The following ZNF804B variants were observed in gnomAD, a reference collection of about 807,000 sequenced individuals.
ZNF804B encodes the protein zinc finger 804B.
In ZNF804B, 80 loss-of-function variants were observed where a neutral mutation model predicts 101.4. That is an observed-to-expected ratio of 0.79 (90% confidence interval 0.66 to 0.95). ZNF804B has a LOEUF of 0.95. Ranked by LOEUF, ZNF804B falls within the 40% of genes least tolerant of loss-of-function variation. ZNF804B has a pLI of 0.00. For missense variants in ZNF804B, 1,673 were observed against 1,561.9 expected, an observed-to-expected ratio of 1.07 and a Z score of -1.20; for synonymous variants, 622 against 558.8, an observed-to-expected ratio of 1.11 and a Z score of -1.59.
intron 1 of ZNF804B, among the ~76,000 whole-genome samples, chr7:88,855,688 G>A (rs919422052): frequency 8.5e-5 from 13 of 152,218 alleles, no homozygotes; most frequent in East Asian, 1.9e-4. Flanking sequence ...CCATGCCTAT[G>A]TCCTGAATGG....
rs2116001977 is a variant in ZNF804B, at chr7:89,334,372, T to G, written c.1390T>G (p.Phe464Val). Residue 464 changes from phenylalanine to valine, a missense_variant, in exon 4 of 4, where the codon TTT (phenylalanine) becomes GTT (valine). Phe to Val is a conservative substitution (Grantham distance 50). Transcript: ENST00000333190. ...TCAATGGCCTACGGAACTTCTGCTC[T>G]TTACAAAAACAGAACCCTGTATCTC... is the stretch of plus-strand genomic sequence containing the variant. ...TLQWPTELLL[F>V]TKTEPCISYG... The G allele has an allele frequency of 6.2e-7, 1 of 1,613,818 alleles. No individual in the cohort carries two copies. The highest frequency in any genetic ancestry group is 2.2e-5 in the East Asian group (1 of 44,856).
chr7:89,054,858 T>G (rs1268818386), intron 1 of ZNF804B, among the ~76,000 whole-genome samples: 1 of 152,076 alleles, frequency 6.6e-6, no homozygotes, highest in African/African-American at 2.4e-5. Context: ...ATTTTTTTCC[T>G]TTCTTTAAAA....
intron 2 of ZNF804B, among the ~76,000 whole-genome samples, chr7:89,302,308 A>C (rs1243325668): frequency 6.6e-6 from 1 of 151,820 alleles, no homozygotes; most frequent in African/African-American, 2.4e-5. Flanking sequence ...TCTACATGAG[A>C]GTTAAGCCTC....
At chr7:88,924,831 C>A (rs1482614816) in intron 1 of ZNF804B, among the ~76,000 whole-genome samples, 1 of 151,880 alleles carries the variant, frequency 6.6e-6, no homozygotes, top group Non-Finnish European at 1.5e-5. Flanking sequence ...ATTTTGTTTA[C>A]TTTGTGCCCC....
At chr7:88,920,793 C>T (rs898167464) in intron 1 of ZNF804B, among the ~76,000 whole-genome samples, 1 of 151,946 alleles carries the variant, frequency 6.6e-6, no homozygotes, top group East Asian at 1.9e-4. Flanking sequence ...CATATATTTA[C>T]TCAGCATTTC....
intron 1 of ZNF804B, among the ~76,000 whole-genome samples, chr7:89,136,764 T>TGTGTGC (rs1554368480): frequency 1.8e-4 from 26 of 146,502 alleles, no homozygotes; most frequent in East Asian, 9.8e-4. Context: ...TGTGTGTGTG[T>TGTGTGC]GCGCGCACGT....
rs554130596 is a variant in ZNF804B, at chr7:89,010,180, G to T, written c.109-207975G>T. On this transcript the variant is annotated intron_variant, in intron 1 of 3. Transcript: ENST00000333190. Reference sequence around the variant, plus strand: ...AATAATACTAATAATACATTGCGAAGCCTTACCTTTTTCAAGTGACATTAA... The same window carrying T: ...AATAATACTAATAATACATTGCGAATCCTTACCTTTTTCAAGTGACATTAA... Among the ~76,000 whole-genome samples, 6 of 152,154 alleles carry T rather than the reference G, an allele frequency of 3.9e-5. No individual in the cohort carries two copies. In the South Asian group the frequency reaches 1.2e-3, roughly 32 times the overall value.
At chr7:88,839,943 C>T (rs575491905) in intron 1 of ZNF804B, among the ~76,000 whole-genome samples, 1 of 152,184 alleles carries the variant, frequency 6.6e-6, no homozygotes, top group Non-Finnish European at 1.5e-5. Flanking sequence ...TAGTTTGGCT[C>T]CTTGGGTGCT....
intron 1 of ZNF804B, among the ~76,000 whole-genome samples, chr7:88,850,638 T>C (rs1161128749): frequency 6.6e-6 from 1 of 151,888 alleles, no homozygotes; most frequent in Non-Finnish European, 1.5e-5. Context: ...AATAGCAAGA[T>C]CCAAAAAGAC....
intron 1 of ZNF804B, among the ~76,000 whole-genome samples, chr7:88,987,768 A>G (rs1584056090): frequency 6.6e-6 from 1 of 152,064 alleles, no homozygotes. Flanking sequence ...GAACATTCCA[A>G]GTCTTCTCTT....
intron 1 of ZNF804B, among the ~76,000 whole-genome samples, chr7:89,067,804 A>G (rs1789474869): frequency 1.3e-5 from 2 of 148,844 alleles, no homozygotes; most frequent in Admixed American, 6.8e-5. Flanking sequence ...TTTCCAAACT[A>G]TGCTAATTTT....
intron 1 of ZNF804B, among the ~76,000 whole-genome samples, chr7:88,942,501 A>AGTGTGTGTGTGTGTGTGTGTGT (rs72429940): frequency 1.2e-5 from 1 of 86,918 alleles, no homozygotes; most frequent in African/African-American, 3.5e-5. Context: ...TATTTGAGTG[A>AGTGTGTGTGTGTGTGTGTGTGT]GTGTGTGTGT....
chr7:88,841,025 G>A (rs1466540685), intron 1 of ZNF804B, among the ~76,000 whole-genome samples: 1 of 152,170 alleles, frequency 6.6e-6, no homozygotes, highest in Non-Finnish European at 1.5e-5. Flanking sequence ...TAAAACTAGA[G>A]ATATTCTATT....
At chr7:89,183,232 G>A (rs1192907388) in intron 1 of ZNF804B, among the ~76,000 whole-genome samples, 1 of 152,066 alleles carries the variant, frequency 6.6e-6, no homozygotes, top group Admixed American at 6.6e-5. Flanking sequence ...ACCTTGACAG[G>A]AACATAAGCT....
intron 2 of ZNF804B, among the ~76,000 whole-genome samples, chr7:89,280,617 C>G (rs962801116): frequency 2.0e-5 from 3 of 152,198 alleles, no homozygotes; most frequent in Non-Finnish European, 4.4e-5. Flanking sequence ...TCAGATAATT[C>G]TACAAACACC....
chr7:89,318,751 G>A (rs939186686), intron 2 of ZNF804B, among the ~76,000 whole-genome samples: 2 of 152,166 alleles, frequency 1.3e-5, no homozygotes, highest in African/African-American at 2.4e-5. Context: ...GACAGAGCAA[G>A]ACTCCATTGC....
intron 1 of ZNF804B, among the ~76,000 whole-genome samples, chr7:88,952,075 C>T (rs986125711): frequency 1.1e-4 from 17 of 151,710 alleles, no homozygotes; most frequent in African/African-American, 4.1e-4. Context: ...TGGAGGAGTC[C>T]CTGATTCCAT....
At chr7:89,194,791 T>C (rs1788519534) in intron 1 of ZNF804B, among the ~76,000 whole-genome samples, 2 of 151,180 alleles carry the variant, frequency 1.3e-5, no homozygotes, top group South Asian at 2.1e-4. Context: ...GACTTGGCGA[T>C]GCGGGCTCTT....
At chr7:88,802,158 C>T (rs1790602286) in intron 1 of ZNF804B, among the ~76,000 whole-genome samples, 1 of 152,116 alleles carries the variant, frequency 6.6e-6, no homozygotes, top group Non-Finnish European at 1.5e-5. Context: ...CACCTTCTGC[C>T]ATGACTGCAA....
Sources: gnomAD v4.1 joint callset for allele counts (sites outside exome capture counted in the v4.1 genomes callset) on GRCh38, gnomAD v4.1.1 for gene constraint, MANE v1.5 for transcripts, NCBI Gene and HGNC (gene_info 2026-07-23, HGNC 2026-07-21) for gene names.